CLVS1: variants seen among roughly 807,000 people sequenced by gnomAD.
CLVS1 encodes the protein clavesin-1.
A neutral mutation model predicts 33.1 loss-of-function variants in CLVS1; 10 were observed. The ratio of observed to expected loss-of-function variants is 0.30; its 90% CI spans 0.19 to 0.51. The LOEUF is 0.51. CLVS1 is among the 20% of genes least tolerant of loss of function. The pLI, the probability that CLVS1 is intolerant of heterozygous loss-of-function variation, is 0.97. For missense variants in CLVS1, 343 were observed against 433.4 expected, an observed-to-expected ratio of 0.79 and a Z score of 1.85; for synonymous variants, 163 against 166.1, an observed-to-expected ratio of 0.98 and a Z score of 0.14.
At chr8:61,171,413 C>T (rs1222886096) in intron 2 of CLVS1, among the ~76,000 whole-genome samples, 1 of 152,038 alleles carries the variant, frequency 6.6e-6, no homozygotes, top group Non-Finnish European at 1.5e-5. Context: ...TGGAATATAA[C>T]TGAAATCTTA....
chr8:61,060,096 G>C (rs986921896), intron 1 of CLVS1, among the ~76,000 whole-genome samples: 7 of 152,062 alleles, frequency 4.6e-5, no homozygotes, highest in Non-Finnish European at 8.8e-5. Context: ...CATGATAGAG[G>C]AATAATCCTC....
intron 2 of CLVS1, among the ~76,000 whole-genome samples, chr8:61,215,370 G>A (rs1808061409): frequency 6.6e-6 from 1 of 152,076 alleles, no homozygotes; most frequent in African/African-American, 2.4e-5. Flanking sequence ...ATGGTCAGTG[G>A]GAATGTACAT....
At chr8:61,109,349 T>C (rs538799429) in intron 1 of CLVS1, among the ~76,000 whole-genome samples, 1 of 152,100 alleles carries the variant, frequency 6.6e-6, no homozygotes, top group Non-Finnish European at 1.5e-5. Context: ...CCACTTAGGG[T>C]CACCAAATTT....
At chr8:61,204,339 CAG>C (rs754190871) in intron 2 of CLVS1, among the ~76,000 whole-genome samples, 5 of 152,148 alleles carry the variant, frequency 3.3e-5, no homozygotes, top group African/African-American at 4.8e-5. Context: ...AAATAAAGTA[CAG>C]AGAGACTGCT....
chr8:61,216,979 A>G (rs2129308647), intron 2 of CLVS1, among the ~76,000 whole-genome samples: 1 of 152,278 alleles, frequency 6.6e-6, no homozygotes, highest in South Asian at 2.1e-4. Flanking sequence ...TAAGTTCTCC[A>G]TTACACGTGA....
chr8:61,489,050 G>A (rs1586050263), intron 5 of CLVS1, among the ~76,000 whole-genome samples: 1 of 152,192 alleles, frequency 6.6e-6, no homozygotes, highest in Admixed American at 6.5e-5. Context: ...GGATCTTGAA[G>A]TATTATTAAA....
At chr8:61,414,224 T>C (rs1358246729) in intron 3 of CLVS1, among the ~76,000 whole-genome samples, 1 of 152,190 alleles carries the variant, frequency 6.6e-6, no homozygotes, top group African/African-American at 2.4e-5. Context: ...ATAAAGGCAT[T>C]CCCAAGTTGC....
At chr8:61,048,677 A>G in the CLVS1 span, among the ~76,000 whole-genome samples, 4 of 152,126 alleles carry the variant, frequency 2.6e-5, no homozygotes, top group African/African-American at 9.7e-5. Context: ...TGCATCAAGC[A>G]GTGGTGGTAG....
chr8:61,200,279 G>A lies in CLVS1; in HGVS notation c.-152+68419G>A, dbSNP rs146681023. ...GATTATAGGTGCCTGCCACCATGCC[G>A]GCTAATTTTTTTTGTAGTTTTAATA... On this transcript the variant is annotated intron_variant, in intron 2 of 2. Coordinates refer to the CLVS1 transcript ENST00000522621. 1.3e-3 allele frequency among the ~76,000 whole-genome samples: 191 copies of A among 150,168 alleles called. 1 individual carries two copies. Among genetic ancestry groups the A allele is most frequent in the Middle Eastern group, 6.9e-3 (2 of 290 alleles).
At chr8:61,218,923 A>C (rs1808150891) in intron 2 of CLVS1, among the ~76,000 whole-genome samples, 2 of 152,152 alleles carry the variant, frequency 1.3e-5, no homozygotes, top group African/African-American at 4.8e-5. Context: ...CAGCCTGGGC[A>C]ACAAGAGTGA....
upstream of CLVS1, among the ~76,000 whole-genome samples, chr8:61,053,054 T>C (rs1045586570): frequency 1.1e-4 from 16 of 152,152 alleles, no homozygotes; most frequent in African/African-American, 3.9e-4. Context: ...GAGACAAGTA[T>C]GTTTTTGAGA....
At chr8:61,128,549 A>G (rs1437033126) in intron 1 of CLVS1, among the ~76,000 whole-genome samples, 1 of 152,244 alleles carries the variant, frequency 6.6e-6, no homozygotes, top group Non-Finnish European at 1.5e-5. Context: ...GTCATGTAAC[A>G]TGGCATGAAA....
the CLVS1 span, among the ~76,000 whole-genome samples, chr8:60,990,646 A>T: frequency 6.6e-6 from 1 of 152,148 alleles, no homozygotes; most frequent in Non-Finnish European, 1.5e-5. Flanking sequence ...TGTTCTTTTT[A>T]ATAGTAACTG....
intron 3 of CLVS1, among the ~76,000 whole-genome samples, chr8:61,428,966 A>G (rs894332556): frequency 1.3e-5 from 2 of 152,162 alleles, no homozygotes; most frequent in Non-Finnish European, 2.9e-5. Context: ...TGTGTGTCTT[A>G]GTTTGTTTGT....
intron 1 of CLVS1, among the ~76,000 whole-genome samples, chr8:61,118,213 G>A (rs1462093316): frequency 6.6e-6 from 1 of 151,994 alleles, no homozygotes; most frequent in Admixed American, 6.6e-5. Context: ...GGGATCGGTG[G>A]TGATATCCCC....
chr8:61,047,388 A>AG, the CLVS1 span, among the ~76,000 whole-genome samples: 1 of 152,224 alleles, frequency 6.6e-6, no homozygotes, highest in Non-Finnish European at 1.5e-5. Flanking sequence ...CCATTGTGGA[A>AG]GTCAGTGTGG....
chr8:61,047,064 C>T, the CLVS1 span, among the ~76,000 whole-genome samples: 12,090 of 151,926 alleles, frequency 0.08, 600 homozygotes, highest in South Asian at 0.14. Flanking sequence ...CCCTGTCTTG[C>T]GCCAGTTTTC....
At position 61,438,315 on chromosome 8, in the gene CLVS1, A is replaced by G. The variant is rs555440160; in HGVS notation, c.631-15826A>G. ...GTTCCTGGGTTAGTTTGTTGAGGAT[A>G]ATGACTTCCACCTCCATCCATGTCC... On this transcript the variant is annotated intron_variant, in intron 3 of 5. Coordinates refer to ENST00000325897, the MANE Select transcript of CLVS1 (RefSeq NM_173519.3). Among the ~76,000 whole-genome samples, 310 of 152,280 alleles carry G rather than the reference A, an allele frequency of 2.0e-3. 1 individual carries two copies. The highest frequency in any genetic ancestry group is 7.0e-3 in the African/African-American group (292 of 41,536).
At chr8:61,044,583 G>A in the CLVS1 span, among the ~76,000 whole-genome samples, 3 of 152,132 alleles carry the variant, frequency 2.0e-5, no homozygotes, top group Admixed American at 1.3e-4. Flanking sequence ...CCACATAGGG[G>A]ACTTCTTATG....
Sources: gnomAD v4.1 joint callset for allele counts (sites outside exome capture counted in the v4.1 genomes callset) on GRCh38, gnomAD v4.1.1 for gene constraint, MANE v1.5 for transcripts, NCBI Gene and HGNC (gene_info 2026-07-23, HGNC 2026-07-21) for gene names.